The following FRMD6 variants were observed in gnomAD, a reference collection of about 807,000 sequenced individuals.
FRMD6 encodes the protein FERM domain containing 6, also known as FERM domain-containing protein 6.
A neutral mutation model predicts 73.2 loss-of-function variants in FRMD6; 37 were observed. That is an observed-to-expected ratio of 0.51 (90% confidence interval 0.39 to 0.66). FRMD6 has a LOEUF of 0.66. FRMD6 is among the 30% of genes least tolerant of loss of function. The pLI, the probability that FRMD6 is intolerant of heterozygous loss-of-function variation, is 0.00. For synonymous variants in FRMD6, 273 were observed against 282.2 expected, an observed-to-expected ratio of 0.97 and a Z score of 0.33; for missense variants, 714 against 780.5, an observed-to-expected ratio of 0.91 and a Z score of 1.02.
intron 2 of FRMD6, among the ~76,000 whole-genome samples, chr14:51,640,800 T>C (rs932017533): frequency 1.3e-5 from 2 of 152,212 alleles, no homozygotes; most frequent in Non-Finnish European, 2.9e-5. Context: ...TATTTGGCAG[T>C]AGCTATTTGT....
At chr14:51,403,633 C>T in the FRMD6 span, among the ~76,000 whole-genome samples, 4 of 152,176 alleles carry the variant, frequency 2.6e-5, no homozygotes, top group Non-Finnish European at 5.9e-5. Flanking sequence ...AACTCCTGGG[C>T]TCATGCAGTC....
In FRMD6 at chr14:51,729,585, G is replaced by C. The variant is rs1288588587; in HGVS notation, c.*1556G>C. On this transcript the variant is annotated 3_prime_UTR_variant, in exon 14 of 14. Transcript: ENST00000344768. ...TATACCATTTTTTTCTATCTGCCCA[G>C]TTTTATTAAAAAAACTATATATTAT... 6.6e-6 allele frequency: 1 copy of C among 152,454 alleles called. No individual in the cohort carries two copies. Among genetic ancestry groups the C allele is most frequent in the East Asian group, 1.9e-4 (1 of 5,196 alleles). The allele number at this position is 152,454 out of a possible 1,614,324, so 9.4% of individuals were successfully genotyped here. A position where few individuals can be genotyped will look rare whatever the true frequency, so the allele number is the denominator to read the frequency against.
At chr14:51,465,234 T>C in the FRMD6 span, among the ~76,000 whole-genome samples, 1 of 152,214 alleles carries the variant, frequency 6.6e-6, no homozygotes, top group Non-Finnish European at 1.5e-5. Context: ...TTGTTTCTGT[T>C]TGTGTTTAGT....
At chr14:51,680,602 T>C (rs1376574013) in intron 1 of FRMD6, among the ~76,000 whole-genome samples, 3 of 152,172 alleles carry the variant, frequency 2.0e-5, no homozygotes, top group Admixed American at 1.3e-4. Flanking sequence ...AGAATACTTA[T>C]GATCTTTTTC....
chr14:51,471,761 C>G, the FRMD6 span, among the ~76,000 whole-genome samples: 1 of 151,774 alleles, frequency 6.6e-6, no homozygotes, highest in South Asian at 2.1e-4. Flanking sequence ...GAGGATTTCT[C>G]TAGGAAGCCC....
Position 51,710,360 on chromosome 14 carries a change from G to GA in FRMD6, c.715-1163dup, listed in dbSNP as rs1249058661. ...AGACAAAGGACAAGGGAACATTCTG[G>GA]AAAAAAAACCCGTTTTGTGCCCCTT... On this transcript the variant is annotated intron_variant, in intron 7 of 13. Coordinates refer to ENST00000344768, the MANE Select transcript of FRMD6 (RefSeq NM_001267046.2). Among the ~76,000 whole-genome samples the GA allele has an allele frequency of 2.6e-3, 389 of 151,650 alleles. 3 individuals are homozygous for GA. The highest frequency in any genetic ancestry group is 8.8e-3 in the African/African-American group (365 of 41,362).
At chr14:51,505,697 A>G (rs1257835422) in intron 1 of FRMD6, among the ~76,000 whole-genome samples, 1 of 152,078 alleles carries the variant, frequency 6.6e-6, no homozygotes, top group Non-Finnish European at 1.5e-5. Flanking sequence ...TCTAAACCTA[A>G]ATGCATCCTT....
rs202178076 is a variant in FRMD6, at chr14:51,721,924, C to T, written c.1361-25C>T. 275 of 1,612,556 alleles carry T rather than the reference C, an allele frequency of 1.7e-4. No individual in the cohort carries two copies. In the African/African-American group the frequency reaches 3.1e-3, roughly 18 times the overall value. On this transcript the variant is annotated intron_variant, in intron 11 of 13. Transcript: ENST00000344768. ...TGGTCATTTCCCTTTTTGTCATTAA[C>T]TATCTTTTCCTTCTTCTGTGTCAGA...
chr14:51,535,017 A>T (rs1452169970), intron 1 of FRMD6, among the ~76,000 whole-genome samples: 1 of 152,170 alleles, frequency 6.6e-6, no homozygotes, highest in East Asian at 1.9e-4. Flanking sequence ...GTTCACCCAC[A>T]TTCCCCACCA....
At chr14:51,674,730 C>T (rs1894262890) in intron 1 of FRMD6, among the ~76,000 whole-genome samples, 2 of 152,002 alleles carry the variant, frequency 1.3e-5, no homozygotes, top group Admixed American at 1.3e-4. Flanking sequence ...AAAAAGCATA[C>T]TTTAAGCCTC....
Position 51,519,905 on chromosome 14 carries a change from CTG to C in FRMD6, c.-210+30486_-210+30487del, listed in dbSNP as rs531272819. On this transcript the variant is annotated intron_variant, in intron 1 of 14. Coordinates refer to the FRMD6 transcript ENST00000356218. ...ATGGGCAATATGATTTGATTTGGCACTGAATTTTAAGAGACATTCACTCCACG... is the reference window on the plus strand; with the variant it reads ...ATGGGCAATATGATTTGATTTGGCACAATTTTAAGAGACATTCACTCCACG... 2.6e-5 allele frequency among the ~76,000 whole-genome samples: 4 copies of C among 152,220 alleles called. No homozygotes were observed. The South Asian group carries it at 8.3e-4, about 32-fold the overall frequency.
intron 1 of FRMD6, among the ~76,000 whole-genome samples, chr14:51,681,712 A>G (rs748670620): frequency 2.6e-5 from 4 of 152,214 alleles, no homozygotes; most frequent in Non-Finnish European, 5.9e-5. Context: ...TTACAATTGT[A>G]TAGTATAATA....
chr14:51,420,637 TATC>T, the FRMD6 span, among the ~76,000 whole-genome samples: 1 of 152,262 alleles, frequency 6.6e-6, no homozygotes, highest in African/African-American at 2.4e-5. Context: ...ACTTTTTCCT[TATC>T]ATTCCCTAAA....
intron 1 of FRMD6, among the ~76,000 whole-genome samples, chr14:51,685,651 T>A (rs1895098752): frequency 6.6e-6 from 1 of 152,232 alleles, no homozygotes; most frequent in South Asian, 2.1e-4. Context: ...AGTATTTGTG[T>A]ACTTAATACT....
At chr14:51,503,348 CTTA>C (rs1883729370) in intron 1 of FRMD6, among the ~76,000 whole-genome samples, 1 of 151,996 alleles carries the variant, frequency 6.6e-6, no homozygotes, top group South Asian at 2.1e-4. Context: ...ATATATGGCT[CTTA>C]TTATTTTGAG....
At chr14:51,513,741 G>T (rs1259667291) in intron 1 of FRMD6, among the ~76,000 whole-genome samples, 2 of 106,208 alleles carry the variant, frequency 1.9e-5, no homozygotes, top group East Asian at 5.4e-4. Context: ...CTGGGCTGAA[G>T]CCTCTCTGAA....
Position 51,494,333 on chromosome 14 carries a change from T to C in FRMD6, c.-210+4913T>C, listed in dbSNP as rs11844091. The stretch of plus-strand genomic sequence containing the variant: ...AGCTATGAATCTATGAAACCAAACA[T>C]GTTATATGCTTCTATGATACAGTGG... On this transcript the variant is annotated intron_variant, in intron 1 of 14. Coordinates refer to the FRMD6 transcript ENST00000356218. Among the ~76,000 whole-genome samples the C allele has an allele frequency of 5.6e-3, 855 of 152,304 alleles. 11 individuals carry two copies. Among genetic ancestry groups the C allele is most frequent in the African/African-American group, 0.02 (811 of 41,560 alleles).
intron 13 of FRMD6, 124 bp downstream of exon 13, chr14:51,725,994 C>G (rs946628979): frequency 1.7e-6 from 1 of 600,066 alleles, no homozygotes; most frequent in Non-Finnish European, 3.0e-6. Context: ...TTCCTAGATA[C>G]GTACATTCTA....
rs767461144 is a variant in FRMD6, at chr14:51,725,813, G to T, written c.1527G>T (p.Ser509=). Residue 509 remains serine, a synonymous_variant, in exon 13 of 14, where the codon TCG becomes TCT. Coordinates refer to ENST00000344768, the MANE Select transcript of FRMD6 (RefSeq NM_001267046.2). ...LIVKEIGSST[S]SSSETVVKLR... is the part of the protein sequence containing the mutation. The stretch of plus-strand genomic sequence containing the variant: ...TGAAAGAAATTGGGTCTTCCACCTC[G>T]AGCTCTTCAGAAACAGTTGTTAAGC... 7 of 1,613,590 alleles carry T rather than the reference G, an allele frequency of 4.3e-6. No individual in the cohort carries two copies. The highest frequency in any genetic ancestry group is 1.1e-5 in the South Asian group (1 of 91,048).
Sources: allele counts gnomAD v4.1 joint callset (sites outside exome capture counted in the v4.1 genomes callset), GRCh38; gene constraint gnomAD v4.1.1; transcripts MANE v1.5; gene names NCBI Gene and HGNC (gene_info 2026-07-23, HGNC 2026-07-21).